Variants in SERPINA5 observed in about 807,000 individuals in gnomAD.
SERPINA5 encodes the protein plasma serine protease inhibitor.
SERPINA5 carries 25 observed loss-of-function variants against 25.3 expected under a neutral mutation model. The observed-to-expected ratio is 0.99, with a 90% CI of 0.72 to 1.38. The LOEUF is 1.38. Ranked by LOEUF, SERPINA5 falls within the 40% of genes most tolerant of loss-of-function variation. SERPINA5 has a pLI of 0.00. For synonymous variants in SERPINA5, 234 were observed against 206.2 expected, an observed-to-expected ratio of 1.14 and a Z score of -1.16; for missense variants, 599 against 509.5, an observed-to-expected ratio of 1.18 and a Z score of -1.69.
intron 2 of SERPINA5, among the ~76,000 whole-genome samples, chr14:94,584,129 G>A (rs933966624): frequency 6.6e-6 from 1 of 152,174 alleles, no homozygotes; most frequent in Non-Finnish European, 1.5e-5. Context: ...GAGGAGGAAC[G>A]AGGTATCACT....
chr14:94,585,755 A>C (rs1885055871), intron 2 of SERPINA5, among the ~76,000 whole-genome samples: 1 of 134,284 alleles, frequency 7.4e-6, no homozygotes, highest in Admixed American at 7.4e-5. Context: ...GGGTGCTGTC[A>C]GGCTCACACG....
chr14:94,587,586 G>A lies in SERPINA5; in HGVS notation c.224G>A (p.Ser75Asn), dbSNP rs148540452. 45 of 1,614,066 alleles carry A rather than the reference G, an allele frequency of 2.8e-5. 1 individual carries two copies. In the African/African-American group the frequency reaches 4.5e-4, roughly 16 times the overall value. The change falls in exon 3 of 6, where the codon AGC (serine) becomes AAC (asparagine). Residue 75 changes from serine to asparagine, a missense_variant. Coordinates refer to ENST00000329597, the MANE Select transcript of SERPINA5 (RefSeq NM_000624.6). ...TTCTCCCCTGTGAGCATCTCCATGA[G>A]CCTGGCCATGCTCTCCCTGGGGGCT... is the stretch of plus-strand genomic sequence containing the variant. ...IFFSPVSISM[S>N]LAMLSLGAGS...
chr14:94,586,300 T>C (rs1885081830), intron 2 of SERPINA5, among the ~76,000 whole-genome samples: 1 of 152,148 alleles, frequency 6.6e-6, no homozygotes, highest in Admixed American at 6.5e-5. Context: ...TGTCACAAAG[T>C]CCCAGGGGCT....
intron 2 of SERPINA5, chr14:94,582,111 C>T (rs2139920153): frequency 6.6e-6 from 1 of 152,366 alleles, no homozygotes; most frequent in East Asian, 1.9e-4. Context: ...TGCCTGGAGG[C>T]TGCCACCCAG....
At chr14:94,588,060 A>G in intron 3 of SERPINA5, 79 bp downstream of exon 3, 1 of 1,518,446 alleles carries the variant, frequency 6.6e-7, no homozygotes, top group Non-Finnish European at 8.9e-7. Flanking sequence ...ATTCCCTCAC[A>G]TACATAAAAG....
Position 94,587,962 on chromosome 14 carries a change from G to A in SERPINA5, c.600G>A (p.Val200=). The A allele has an allele frequency of 4.3e-6, 7 of 1,613,940 alleles. No individual in the cohort carries two copies. Among genetic ancestry groups the A allele is most frequent in the Non-Finnish European group, 5.9e-6 (7 of 1,179,828 alleles). Residue 200 remains valine, a synonymous_variant, in exon 3 of 6, where the codon GTG becomes GTA. Coordinates refer to ENST00000329597, the MANE Select transcript of SERPINA5 (RefSeq NM_000624.6). ...NLDSNAVVIM[V]NYIFFKAKWE... is the part of the protein sequence containing the mutation. ...ATAGCAATGCGGTCGTGATCATGGT[G>A]AATTACATCTTCTTTAAAGGTAAGG...
At chr14:94,582,217 T>C (rs1279723265) in intron 2 of SERPINA5, 6 of 152,252 alleles carry the variant, frequency 3.9e-5, no homozygotes, top group Non-Finnish European at 7.3e-5. Context: ...TTTTTAGTTT[T>C]TCTGAAGGTA....
In SERPINA5 at chr14:94,590,300, G is replaced by A. The variant is rs1430186851; in HGVS notation, c.879G>A (p.Met293Ile). The A allele has an allele frequency of 1.9e-6, 3 of 1,595,772 alleles. No homozygotes were observed. Among genetic ancestry groups the A allele is most frequent in the Non-Finnish European group, 2.6e-6 (3 of 1,168,482 alleles). ...AAACGCTGAGGAAGTGGCTTAAGATGTTCAAAAAGAGGTACTTTCAGACTA... is the reference window on the plus strand; with the variant it reads ...AAACGCTGAGGAAGTGGCTTAAGATATTCAAAAAGAGGTACTTTCAGACTA... Reference protein sequence around the residue: ...SEKTLRKWLKMFKKRQLELYL... With the variant: ...SEKTLRKWLKIFKKRQLELYL... Residue 293 changes from methionine (M) to isoleucine (I), a missense_variant, in exon 4 of 6, where the codon ATG (methionine) becomes ATA (isoleucine). Met to Ile is a conservative substitution (Grantham distance 10). Coordinates refer to ENST00000329597, the MANE Select transcript of SERPINA5 (RefSeq NM_000624.6).
chr14:94,588,524 G>A (rs1386733264), intron 3 of SERPINA5, among the ~76,000 whole-genome samples: 2 of 152,164 alleles, frequency 1.3e-5, no homozygotes, highest in East Asian at 1.9e-4. Context: ...ATTCCTGCTC[G>A]CCTCTGCAGC....
chr14:94,589,982 T>A, intron 3 of SERPINA5, 59 bp from the exon 4 acceptor site: 1 of 1,485,434 alleles, frequency 6.7e-7, no homozygotes, highest in Non-Finnish European at 9.1e-7. Context: ...TATTTGCAGC[T>A]GAGAATTTCT....
At chr14:94,590,983 T>G in intron 5 of SERPINA5, 87 bp downstream of exon 5, 1 of 1,357,000 alleles carries the variant, frequency 7.4e-7, no homozygotes, top group Non-Finnish European at 1.0e-6. Flanking sequence ...TTCATTCCAT[T>G]CCATTCCACT....
At position 94,590,312 on chromosome 14, in the gene SERPINA5, G is replaced by T. The variant is rs765450662; in HGVS notation, c.890+1G>T. 6.3e-7 allele frequency: 1 copy of T among 1,588,276 alleles called. No homozygotes were observed. Among genetic ancestry groups the T allele is most frequent in the Non-Finnish European group, 8.6e-7 (1 of 1,164,200 alleles). ...AGTGGCTTAAGATGTTCAAAAAGAG[G>T]TACTTTCAGACTACCCCAGGGCCAG... On this transcript the variant is annotated splice_donor_variant, in intron 4 of 5. Coordinates refer to ENST00000329597, the MANE Select transcript of SERPINA5 (RefSeq NM_000624.6). LOFTEE classifies it high-confidence loss of function.
intron 5 of SERPINA5, among the ~76,000 whole-genome samples, chr14:94,591,827 C>T (rs1159808706): frequency 6.6e-6 from 1 of 152,192 alleles, no homozygotes; most frequent in African/African-American, 2.4e-5. Flanking sequence ...TGAAGAATTA[C>T]ACCTTGCTCA....
intron 3 of SERPINA5, among the ~76,000 whole-genome samples, chr14:94,589,664 A>G (rs1294548001): frequency 6.6e-6 from 1 of 152,168 alleles, no homozygotes; most frequent in Non-Finnish European, 1.5e-5. Context: ...AAGTGCAAAC[A>G]GAGAAGTTCA....
chr14:94,591,524 G>GCACTC (rs1220223180), intron 5 of SERPINA5, among the ~76,000 whole-genome samples: 1 of 120,790 alleles, frequency 8.3e-6, no homozygotes, highest in Non-Finnish European at 1.8e-5. Flanking sequence ...CCACTCCACT[G>GCACTC]CACTCCACTC....
chr14:94,586,176 C>T (rs1310979784), intron 2 of SERPINA5, among the ~76,000 whole-genome samples: 6 of 152,126 alleles, frequency 3.9e-5, no homozygotes, highest in Non-Finnish European at 7.3e-5. Flanking sequence ...AAGGCCAAGG[C>T]CACGTCAGGA....
intron 2 of SERPINA5, among the ~76,000 whole-genome samples, chr14:94,584,206 T>A (rs1885003991): frequency 6.6e-6 from 1 of 152,192 alleles, no homozygotes; most frequent in African/African-American, 2.4e-5. Context: ...TCCGGTTCCA[T>A]CACTCAGTAG....
At chr14:94,591,078 T>C in intron 5 of SERPINA5, among the ~76,000 whole-genome samples, 182 bp downstream of exon 5, 1 of 144,494 alleles carries the variant, frequency 6.9e-6, no homozygotes, top group Non-Finnish European at 1.5e-5. Flanking sequence ...TCAATTCCAC[T>C]CCACTCCACT....
chr14:94,587,786 C>T lies in SERPINA5; in HGVS notation c.424C>T (p.Gln142Ter). Residue 142 changes from glutamine to a stop codon, truncating the protein, a stop_gained, in exon 3 of 6, where the codon CAG becomes TAG. Coordinates refer to ENST00000329597, the MANE Select transcript of SERPINA5 (RefSeq NM_000624.6). LOFTEE classifies it high-confidence loss of function. ...ALFTDLVVDLQDTFVSAMKTL... is the reference protein window; with the variant it reads ...ALFTDLVVDL ...TTTCACCGACCTGGTGGTAGACCTG[C>T]AGGACACCTTCGTAAGTGCCATGAA... 6.2e-7 allele frequency: 1 copy of T among 1,614,170 alleles called. No individual in the cohort carries two copies. Among genetic ancestry groups the T allele is most frequent in the Non-Finnish European group, 8.5e-7 (1 of 1,180,042 alleles).
Sources: allele counts gnomAD v4.1 joint callset (sites outside exome capture counted in the v4.1 genomes callset), GRCh38; gene constraint gnomAD v4.1.1; transcripts MANE v1.5; gene names NCBI Gene and HGNC (gene_info 2026-07-23, HGNC 2026-07-21).